Variants in AMZ1 observed in about 807,000 individuals in gnomAD.
AMZ1 encodes the protein archaelysin family metallopeptidase 1.
AMZ1 carries 39 observed loss-of-function variants against 29.9 expected under a neutral mutation model. That is an observed-to-expected ratio of 1.30 (90% CI 1.01 to 1.70). The LOEUF is 1.70. Among genes scored for constraint, AMZ1 ranks in the 40% most tolerant of loss-of-function variants. The pLI is 0.00. For missense variants in AMZ1, 1,041 were observed against 680.6 expected (o/e 1.53, Z -5.89); for synonymous variants, 458 against 304.0 (o/e 1.51, Z -5.27).
Position 2,731,358 on chromosome 7 carries a change from C to T in AMZ1, n.550+21542C>T. On this transcript the variant is annotated intron_variant and non_coding_transcript_variant, in intron 4 of 4. Coordinates refer to the AMZ1 transcript ENST00000489665. The surrounding 1 kb of genome is among the most constrained non-coding windows in gnomAD (Gnocchi z 6.0). ...CCAGGTAGCGCTGGACGTCCTCCAGCCTGTGCGGGTCGCCCCTGAAGTCCG... is the reference window on the plus strand; with the variant it reads ...CCAGGTAGCGCTGGACGTCCTCCAGTCTGTGCGGGTCGCCCCTGAAGTCCG... 1 of 1,613,948 alleles carries T rather than the reference C, an allele frequency of 6.2e-7. No individual in the cohort carries two copies. Among genetic ancestry groups the T allele is most frequent in the Admixed American group, 1.7e-5 (1 of 59,996 alleles).
chr7:2,693,680 A>C (rs1438967850), intron 1 of AMZ1, among the ~76,000 whole-genome samples: 2 of 151,928 alleles, frequency 1.3e-5, no homozygotes, highest in Non-Finnish European at 2.9e-5. Context: ...CTCAGCCTCC[A>C]GAGTAGCTAG....
rs537731673 is a variant in AMZ1, at chr7:2,692,337, G to A, written c.-219+4041G>A. On this transcript the variant is annotated intron_variant, in intron 1 of 6. Transcript: ENST00000683327. ...GGGCGGATCATGAGGTCAGGAGATC[G>A]AGACCATCCTGGCTAACACGTGAAA... 3.2e-3 allele frequency among the ~76,000 whole-genome samples: 480 copies of A among 152,088 alleles called. 3 individuals are homozygous for A. The highest frequency in any genetic ancestry group is 4.8e-3 in the Non-Finnish European group (329 of 67,952).
upstream of AMZ1, chr7:2,762,284 T>G (rs1791596050): frequency 1.2e-5 from 3 of 246,458 alleles, no homozygotes; most frequent in Middle Eastern, 1.1e-3. Flanking sequence ...AAGGTGCACA[T>G]GGCGGGGCCG....
At chr7:2,693,673 A>G (rs1787539924) in intron 1 of AMZ1, among the ~76,000 whole-genome samples, 1 of 152,158 alleles carries the variant, frequency 6.6e-6, no homozygotes, top group Admixed American at 6.6e-5. Flanking sequence ...CTCCAGCCTC[A>G]GCCTCCAGAG....
chr7:2,693,807 G>A (rs1025232519), intron 1 of AMZ1, among the ~76,000 whole-genome samples: 7 of 152,108 alleles, frequency 4.6e-5, no homozygotes, highest in Admixed American at 3.9e-4. Flanking sequence ...CGCTCGCCTC[G>A]GCCTCCCAAA....
rs1264957572 is a variant in AMZ1, at chr7:2,731,184, C to A, written n.550+21368C>A. ...ACAAACCCCGGGGCTTCCTCGCTCA[C>A]TGCAGCATGATGTCCTTCAGGTTCT... On this transcript the variant is annotated intron_variant and non_coding_transcript_variant, in intron 4 of 4. Coordinates refer to the AMZ1 transcript ENST00000489665. This position sits in a 1 kb window ranked among gnomAD's most constrained non-coding sequence, Gnocchi z 6.0. 6.2e-7 allele frequency: 1 copy of A among 1,607,462 alleles called. No individual in the cohort carries two copies. Among genetic ancestry groups the A allele is most frequent in the Admixed American group, 1.7e-5 (1 of 59,738 alleles).
In AMZ1 at chr7:2,719,210, G is replaced by A. The variant is rs1479910423; in HGVS notation, c.*6332G>A. Among the ~76,000 whole-genome samples, 2 of 152,164 alleles carry A rather than the reference G, an allele frequency of 1.3e-5. No homozygotes were observed. Among genetic ancestry groups the A allele is most frequent in the East Asian group, 1.9e-4 (1 of 5,194 alleles). On this transcript the variant is annotated 3_prime_UTR_variant, in exon 7 of 7. Coordinates refer to ENST00000683327, the MANE Select transcript of AMZ1 (RefSeq NM_001384743.1). The stretch of plus-strand genomic sequence containing the variant: ...TCCGACAGAACGGCAGGTGGCCCCT[G>A]TCGGAAGGGGGGTGTCTCTTTATTC...
intron 4 of AMZ1, among the ~76,000 whole-genome samples, chr7:2,736,661 C>T (rs1041565244): frequency 5.9e-5 from 9 of 152,344 alleles, no homozygotes; most frequent in East Asian, 1.9e-4. Flanking sequence ...ATGAGGAGAC[C>T]GCCTTTCTGC....
chr7:2,692,773 A>T (rs150697290), intron 1 of AMZ1, among the ~76,000 whole-genome samples: 1 of 151,744 alleles, frequency 6.6e-6, no homozygotes, highest in African/African-American at 2.4e-5. Flanking sequence ...GCGGTTCCCC[A>T]CCTCACCCAG....
intron 5 of AMZ1, among the ~76,000 whole-genome samples, 160 bp from the exon 6 acceptor site, chr7:2,709,480 G>A (rs866959670): frequency 3.9e-5 from 6 of 152,182 alleles, no homozygotes; most frequent in Admixed American, 1.3e-4. Context: ...GGCCCTGAAA[G>A]TGGCCTGTGC....
In AMZ1 at chr7:2,709,127, G is replaced by C. The variant is rs527501031; in HGVS notation, c.654G>C (p.Gly218=). ...ARFSGEFPKS[G]PSAPDLALVE... ...TCTCAGGGGAATTCCCGAAGTCGGGGCCCAGCGCCCCTGATCTGGCCCTGG... is the reference window on the plus strand; with the variant it reads ...TCTCAGGGGAATTCCCGAAGTCGGGCCCCAGCGCCCCTGATCTGGCCCTGG... Residue 218 remains glycine, a synonymous_variant, in exon 5 of 7, where the codon GGG becomes GGC. Coordinates refer to ENST00000683327, the MANE Select transcript of AMZ1 (RefSeq NM_001384743.1). 6.3e-7 allele frequency: 1 copy of C among 1,598,890 alleles called. No individual in the cohort carries two copies. Among genetic ancestry groups the C allele is most frequent in the Non-Finnish European group, 8.5e-7 (1 of 1,173,112 alleles).
At chr7:2,727,990 G>C (rs1296049439) in intron 4 of AMZ1, 1 of 147,278 alleles carries the variant, frequency 6.8e-6, no homozygotes, top group South Asian at 2.2e-4. Flanking sequence ...CCACGAGGTG[G>C]AGGGAGACTC....
intron 1 of AMZ1, among the ~76,000 whole-genome samples, chr7:2,695,154 C>G (rs998415409): frequency 2.0e-5 from 3 of 152,182 alleles, no homozygotes; most frequent in African/African-American, 7.2e-5. Flanking sequence ...CCACTACGGC[C>G]CTTTCCATGG....
At chr7:2,712,002 G>A (rs564853379) in intron 6 of AMZ1, among the ~76,000 whole-genome samples, 6 of 152,254 alleles carry the variant, frequency 3.9e-5, no homozygotes, top group South Asian at 2.1e-4. Flanking sequence ...AGCTGAGATC[G>A]CAGCACTGCA....
chr7:2,718,613 C>T lies in AMZ1; in HGVS notation c.*5735C>T, dbSNP rs60193715. Among the ~76,000 whole-genome samples, 70 of 152,364 alleles carry T rather than the reference C, an allele frequency of 4.6e-4. 1 individual carries two copies. The highest frequency in any genetic ancestry group is 1.6e-3 in the African/African-American group (66 of 41,584). ...AGTGTGGGGTCCAGTCTGAAGCCGA[C>T]GCCCCTCTCGGTCAGGCTTTCAGCA... On this transcript the variant is annotated 3_prime_UTR_variant, in exon 7 of 7. Coordinates refer to ENST00000683327, the MANE Select transcript of AMZ1 (RefSeq NM_001384743.1).
At chr7:2,725,723 G>A (rs1375222749) in intron 4 of AMZ1, among the ~76,000 whole-genome samples, 1 of 152,220 alleles carries the variant, frequency 6.6e-6, no homozygotes, top group Non-Finnish European at 1.5e-5. Flanking sequence ...CCTGTCAGCC[G>A]CCGTTGAGGC....
downstream of AMZ1, among the ~76,000 whole-genome samples, chr7:2,721,635 G>C (rs1160902078): frequency 2.0e-5 from 3 of 151,840 alleles, no homozygotes; most frequent in Non-Finnish European, 2.9e-5. Flanking sequence ...AGAATGGTGT[G>C]AACCTGGGAG....
At chr7:2,681,112 A>T (rs1333643922) in intron 1 of AMZ1, among the ~76,000 whole-genome samples, 2 of 152,186 alleles carry the variant, frequency 1.3e-5, no homozygotes, top group Non-Finnish European at 2.9e-5. Context: ...AGAGTTGAGG[A>T]TGCAGGGCTG....
At chr7:2,696,784 G>T (rs1043791458) in intron 1 of AMZ1, among the ~76,000 whole-genome samples, 1 of 152,010 alleles carries the variant, frequency 6.6e-6, no homozygotes, top group Non-Finnish European at 1.5e-5. Flanking sequence ...TACTTGGGAG[G>T]CTAAGGCAGG....
Sources: gnomAD v4.1 joint callset for allele counts (sites outside exome capture counted in the v4.1 genomes callset) on GRCh38, gnomAD v4.1.1 for gene constraint, Gnocchi (gnomAD v3.1) non-coding constraint, MANE v1.5 for transcripts, NCBI Gene and HGNC (gene_info 2026-07-23, HGNC 2026-07-21) for gene names.